ZFPM2: variants seen among roughly 807,000 people sequenced by gnomAD.
The protein encoded by ZFPM2 is zinc finger protein, FOG family member 2.
A neutral mutation model predicts 98.6 loss-of-function variants in ZFPM2; 20 were observed. That is an observed-to-expected ratio of 0.20 (90% CI 0.14 to 0.29). ZFPM2 has a LOEUF of 0.29. Among genes scored for constraint, ZFPM2 ranks in the 10% least tolerant of loss-of-function variants. The pLI is 1.00. For synonymous variants in ZFPM2, 518 were observed against 502.7 expected, an observed-to-expected ratio of 1.03 and a Z score of -0.41; for missense variants, 1,310 against 1,388.6, an observed-to-expected ratio of 0.94 and a Z score of 0.90.
intron 3 of ZFPM2, among the ~76,000 whole-genome samples, chr8:105,524,241 G>A (rs1814124120): frequency 6.6e-6 from 1 of 152,106 alleles, no homozygotes; most frequent in Non-Finnish European, 1.5e-5. Flanking sequence ...ACAGGTTAAG[G>A]TTGTCATAAT....
intron 4 of ZFPM2, among the ~76,000 whole-genome samples, chr8:105,569,481 T>C (rs1815310960): frequency 6.6e-6 from 1 of 152,194 alleles, no homozygotes; most frequent in Non-Finnish European, 1.5e-5. Flanking sequence ...TTTATTTGTT[T>C]ATAGACTTGC....
intron 5 of ZFPM2, among the ~76,000 whole-genome samples, chr8:105,786,762 CTT>C (rs1432180485): frequency 6.6e-6 from 1 of 152,186 alleles, no homozygotes; most frequent in African/African-American, 2.4e-5. Context: ...CATAAATACT[CTT>C]GAGTCGTCCT....
intron 4 of ZFPM2, among the ~76,000 whole-genome samples, chr8:105,579,631 C>T (rs929927250): frequency 3.3e-5 from 5 of 152,066 alleles, no homozygotes; most frequent in Admixed American, 2.6e-4. Context: ...AAGAGCATAT[C>T]GTGGGTGTGT....
At chr8:105,359,644 G>C (rs1812819267) in intron 1 of ZFPM2, among the ~76,000 whole-genome samples, 1 of 152,016 alleles carries the variant, frequency 6.6e-6, no homozygotes, top group African/African-American at 2.4e-5. Context: ...AGAGTGCTGG[G>C]ATTACAGGCG....
intron 5 of ZFPM2, among the ~76,000 whole-genome samples, chr8:105,735,732 T>C (rs1214081364): frequency 6.6e-6 from 1 of 151,990 alleles, no homozygotes; most frequent in African/African-American, 2.4e-5. Flanking sequence ...TCATCCAAAC[T>C]TCATTATGGG....
chr8:105,441,439 A>G lies in ZFPM2; in HGVS notation c.200-2841A>G, dbSNP rs1356343306. ...CAAAAAAAAAGAAAGAAAGAAAGAGAGAGAGAGAGAGAGAGAAAGAAAGAA... is the reference window on the plus strand; with the variant it reads ...CAAAAAAAAAGAAAGAAAGAAAGAGGGAGAGAGAGAGAGAGAAAGAAAGAA... On this transcript the variant is annotated intron_variant, in intron 2 of 7. Transcript: ENST00000407775. Among the ~76,000 whole-genome samples the G allele has an allele frequency of 5.0e-5, 4 of 79,764 alleles. No homozygotes were observed. The East Asian group carries it at 9.1e-4, about 18-fold the overall frequency. 52.3% of individuals were successfully genotyped at this position (79,764 alleles called of 152,430 possible). A position where few individuals can be genotyped will look rare whatever the true frequency, so the allele number is the denominator to read the frequency against.
At chr8:105,687,474 T>G (rs1426759263) in intron 5 of ZFPM2, among the ~76,000 whole-genome samples, 2 of 152,110 alleles carry the variant, frequency 1.3e-5, no homozygotes, top group African/African-American at 2.4e-5. Flanking sequence ...GCCAAGAAGC[T>G]AAGAGATTAC....
At chr8:105,389,542 A>G (rs1397201966) in intron 1 of ZFPM2, among the ~76,000 whole-genome samples, 1 of 152,204 alleles carries the variant, frequency 6.6e-6, no homozygotes, top group African/African-American at 2.4e-5. Flanking sequence ...TCAAAATAAC[A>G]TTCTACTACA....
chr8:105,760,087 T>C lies in ZFPM2; in HGVS notation c.533-28631T>C, dbSNP rs1163208624. ...GAGTGTTGAACAATGGAATTTGGCC[T>C]GTGGTAATTGCTCAGGGAAGACTTC... is the stretch of plus-strand genomic sequence containing the variant. On this transcript the variant is annotated intron_variant, in intron 5 of 7. Transcript: ENST00000407775. Among the ~76,000 whole-genome samples the C allele has an allele frequency of 3.3e-5, 5 of 151,886 alleles. No individual in the cohort carries two copies. The East Asian group carries it at 9.7e-4, about 30-fold the overall frequency.
At chr8:105,787,754 T>C (rs1368849481) in intron 5 of ZFPM2, among the ~76,000 whole-genome samples, 4 of 152,132 alleles carry the variant, frequency 2.6e-5, no homozygotes, top group African/African-American at 4.8e-5. Flanking sequence ...AAGAGCTTTA[T>C]AACATATCAA....
chr8:105,642,707 A>C (rs1816970370), intron 5 of ZFPM2, among the ~76,000 whole-genome samples: 1 of 152,206 alleles, frequency 6.6e-6, no homozygotes, highest in Non-Finnish European at 1.5e-5. Context: ...GTACAAATGA[A>C]TATGAGACAC....
intron 3 of ZFPM2, among the ~76,000 whole-genome samples, chr8:105,450,638 A>T (rs550552055): frequency 6.6e-6 from 1 of 152,186 alleles, no homozygotes; most frequent in Admixed American, 6.6e-5. Context: ...GTACCACTAT[A>T]ATGAACCATC....
At chr8:105,344,696 T>C (rs941836023) in intron 1 of ZFPM2, among the ~76,000 whole-genome samples, 2 of 152,062 alleles carry the variant, frequency 1.3e-5, no homozygotes, top group African/African-American at 4.8e-5. Flanking sequence ...TGTGTGTGTA[T>C]ACATATATGT....
chr8:105,556,641 C>G (rs1814997866), intron 3 of ZFPM2, among the ~76,000 whole-genome samples: 1 of 151,730 alleles, frequency 6.6e-6, no homozygotes, highest in Non-Finnish European at 1.5e-5. Flanking sequence ...TGATTGCCAT[C>G]TCATCCAAAG....
chr8:105,451,077 TATG>T (rs1182103453), intron 3 of ZFPM2, among the ~76,000 whole-genome samples: 2 of 152,164 alleles, frequency 1.3e-5, no homozygotes, highest in African/African-American at 2.4e-5. Context: ...TTATTACTAT[TATG>T]ATGATTATAC....
chr8:105,728,152 G>A (rs368438713), intron 5 of ZFPM2, among the ~76,000 whole-genome samples: 2 of 151,560 alleles, frequency 1.3e-5, no homozygotes, highest in African/African-American at 4.8e-5. Flanking sequence ...ATTAGAGAAG[G>A]TATTGTAATT....
chr8:105,388,301 GAGA>G (rs1811041942), intron 1 of ZFPM2, among the ~76,000 whole-genome samples: 1 of 152,008 alleles, frequency 6.6e-6, no homozygotes, highest in Admixed American at 6.6e-5. Flanking sequence ...AAAAAGGAAA[GAGA>G]AGAAGAAATG....
At chr8:105,403,532 A>T (rs905293423) in intron 1 of ZFPM2, among the ~76,000 whole-genome samples, 19 of 152,134 alleles carry the variant, frequency 1.2e-4, no homozygotes, top group African/African-American at 2.7e-4. Context: ...TAGATTTTTT[A>T]AAAATCATTT....
rs375712412 is a variant in ZFPM2 at position 105,579,793 on chromosome 8, AT to A, written c.420+18320del. ...CCATGTTTCTTTCCACAAACTGATAATTTTTTTTCAGCGTGGTAGTTCTCTT... is the reference window on the plus strand; with the variant it reads ...CCATGTTTCTTTCCACAAACTGATAATTTTTTTCAGCGTGGTAGTTCTCTT... On this transcript the variant is annotated intron_variant, in intron 4 of 7. Coordinates refer to ENST00000407775, the MANE Select transcript of ZFPM2 (RefSeq NM_012082.4). Among the ~76,000 whole-genome samples the A allele has an allele frequency of 3.5e-3, 534 of 152,076 alleles. 3 individuals are homozygous for A. The highest frequency in any genetic ancestry group is 0.012 in the African/African-American group (491 of 41,480).
Sources: allele counts gnomAD v4.1 joint callset (sites outside exome capture counted in the v4.1 genomes callset), GRCh38; gene constraint gnomAD v4.1.1; transcripts MANE v1.5; gene names NCBI Gene and HGNC (gene_info 2026-07-23, HGNC 2026-07-21).